Variants in METTL15 observed in about 807,000 individuals in gnomAD.
METTL15 encodes the protein 12S rRNA N(4)-cytidine methyltransferase METTL15.
In METTL15, 34 loss-of-function variants were observed where a neutral mutation model predicts 38.3. That is an observed-to-expected ratio of 0.89 (90% CI 0.68 to 1.18). The LOEUF (loss-of-function observed/expected upper bound fraction) is 1.18. Ranked by LOEUF, METTL15 falls within the 50% of genes most tolerant of loss-of-function variation. METTL15 has a pLI of 0.00. For missense variants in METTL15, 438 were observed against 498.4 expected (o/e 0.88, Z 1.15); for synonymous variants, 162 against 170.9 (o/e 0.95, Z 0.41).
intron 4 of METTL15, among the ~76,000 whole-genome samples, chr11:28,286,832 T>C (rs1565225027): frequency 6.6e-6 from 1 of 151,800 alleles, no homozygotes; most frequent in African/African-American, 2.4e-5. Context: ...CCTGAGATAT[T>C]ATGTCTGTCA....
rs568518563 is a variant in METTL15 at position 28,469,707 on chromosome 11, C to A, written c.*424+45343C>A. ...TACAAGAATGTCTACACATAATAAA[C>A]ACTATGTTTGCTATAATTCCTATTA... is the stretch of plus-strand genomic sequence containing the variant. On this transcript the variant is annotated intron_variant and NMD_transcript_variant, in intron 6 of 7. Coordinates refer to the METTL15 transcript ENST00000532947. 3.9e-5 allele frequency among the ~76,000 whole-genome samples: 6 copies of A among 152,080 alleles called. No homozygotes were observed. The South Asian group carries it at 6.2e-4, about 16-fold the overall frequency.
At chr11:28,460,240 A>G (rs1590382297) in intron 6 of METTL15, among the ~76,000 whole-genome samples, 2 of 152,174 alleles carry the variant, frequency 1.3e-5, no homozygotes, top group African/African-American at 4.8e-5. Flanking sequence ...ATAAATTGGC[A>G]CCGTCTTACT....
chr11:28,343,968 C>T (rs1367687646), intron 3 of METTL15, among the ~76,000 whole-genome samples: 3 of 152,230 alleles, frequency 2.0e-5, no homozygotes, highest in East Asian at 3.9e-4. Flanking sequence ...AAGTTTTCTT[C>T]CAAAAAGAAC....
intron 3 of METTL15, among the ~76,000 whole-genome samples, chr11:28,348,617 C>A (rs909292632): frequency 6.6e-6 from 1 of 152,138 alleles, no homozygotes; most frequent in East Asian, 1.9e-4. Flanking sequence ...TACACTCCCT[C>A]AGCCTCCCAA....
chr11:28,312,233 T>A (rs907616897), intron 6 of METTL15, among the ~76,000 whole-genome samples: 1 of 152,194 alleles, frequency 6.6e-6, no homozygotes, highest in Non-Finnish European at 1.5e-5. Flanking sequence ...TAATTTAAGT[T>A]ATGATTGTTG....
At chr11:28,208,752 C>T (rs185136935) in intron 3 of METTL15, among the ~76,000 whole-genome samples, 18 of 151,740 alleles carry the variant, frequency 1.2e-4, no homozygotes, top group Admixed American at 9.9e-4. Flanking sequence ...TTTTTATTTG[C>T]AACTCCTACA....
rs1288637289 is a variant in METTL15, at chr11:28,330,389, GT to G, written c.779-3del. ...TTCTTTTCCTATCTTTACAACATTT[GT>G]TTTAGGAGCATTTCCTCCCTCTGCT... On this transcript the variant is annotated splice_region_variant and splice_polypyrimidine_tract_variant and intron_variant, in intron 6 of 6. Transcript: ENST00000407364. 2 of 1,532,024 alleles carry G rather than the reference GT, an allele frequency of 1.3e-6. No homozygotes were observed. Among genetic ancestry groups the G allele is most frequent in the Non-Finnish European group, 8.8e-7 (1 of 1,139,764 alleles). The allele number at this position is 1,532,024 out of a possible 1,614,324, so 94.9% of individuals were successfully genotyped here. A position where few individuals can be genotyped will look rare whatever the true frequency, so the allele number is the denominator to read the frequency against.
At chr11:28,244,881 T>C (rs760080603) in intron 4 of METTL15, among the ~76,000 whole-genome samples, 2 of 152,206 alleles carry the variant, frequency 1.3e-5, no homozygotes, top group Non-Finnish European at 2.9e-5. Flanking sequence ...AGTAGAGATA[T>C]CCTGTCTTTT....
chr11:28,391,191 T>G (rs1037283989), intron 5 of METTL15, among the ~76,000 whole-genome samples: 2 of 152,056 alleles, frequency 1.3e-5, no homozygotes, highest in African/African-American at 4.8e-5. Context: ...ACAATTTGAC[T>G]TCCTCTTTTC....
intron 5 of METTL15, among the ~76,000 whole-genome samples, chr11:28,390,148 G>A (rs1433825618): frequency 6.6e-6 from 1 of 151,902 alleles, no homozygotes; most frequent in South Asian, 2.1e-4. Flanking sequence ...AGATGAGTAG[G>A]TTGTGAAAAT....
chr11:28,353,085 G>A (rs1850056240), intron 4 of METTL15, among the ~76,000 whole-genome samples: 1 of 152,092 alleles, frequency 6.6e-6, no homozygotes, highest in South Asian at 2.1e-4. Flanking sequence ...ATTCAGCCTA[G>A]CTTAGAAAAG....
At chr11:28,478,897 G>A (rs1445612664) in intron 6 of METTL15, among the ~76,000 whole-genome samples, 1 of 145,704 alleles carries the variant, frequency 6.9e-6, no homozygotes, top group Non-Finnish European at 1.5e-5. Flanking sequence ...TTATCTCCTA[G>A]GAAGCAGAAA....
chr11:28,271,517 C>T lies in METTL15; in HGVS notation c.408-18689C>T, dbSNP rs368824132. Among the ~76,000 whole-genome samples, 12 of 151,536 alleles carry T rather than the reference C, an allele frequency of 7.9e-5. No individual in the cohort carries two copies. In the South Asian group the frequency reaches 1.9e-3, roughly 24 times the overall value. On this transcript the variant is annotated intron_variant, in intron 4 of 6. Transcript: ENST00000407364. ...CTTATAATACCTGCTAGTGGCCTAA[C>T]GATCCACACTGGTGACAAAAATGCA...
intron 6 of METTL15, among the ~76,000 whole-genome samples, chr11:28,436,563 G>GT (rs571658383): frequency 2.4e-3 from 330 of 139,620 alleles, no homozygotes; most frequent in African/African-American, 4.1e-3. Flanking sequence ...GACATTGAGT[G>GT]TTTTTTTTTT....
intron 6 of METTL15, among the ~76,000 whole-genome samples, chr11:28,513,167 C>T (rs1851690660): frequency 6.6e-6 from 1 of 152,170 alleles, no homozygotes; most frequent in African/African-American, 2.4e-5. Flanking sequence ...GTAAACATTG[C>T]ATGTCAAGAG....
chr11:28,267,698 A>G (rs1028522327), intron 4 of METTL15, among the ~76,000 whole-genome samples: 1 of 152,162 alleles, frequency 6.6e-6, no homozygotes, highest in Non-Finnish European at 1.5e-5. Context: ...ACGTATACCA[A>G]TGAAACAATA....
intron 5 of METTL15, among the ~76,000 whole-genome samples, chr11:28,391,520 C>T (rs935758509): frequency 6.6e-6 from 1 of 152,000 alleles, no homozygotes; most frequent in Admixed American, 6.6e-5. Flanking sequence ...AATCCTAAGC[C>T]AAAAGAACAA....
chr11:28,320,924 A>G (rs1849444723), intron 6 of METTL15, among the ~76,000 whole-genome samples: 1 of 152,148 alleles, frequency 6.6e-6, no homozygotes, highest in African/African-American at 2.4e-5. Flanking sequence ...AGAATGTTCC[A>G]TTAATTTATA....
chr11:28,274,127 G>T (rs915084328), intron 4 of METTL15, among the ~76,000 whole-genome samples: 4 of 152,006 alleles, frequency 2.6e-5, no homozygotes, highest in South Asian at 2.1e-4. Context: ...GTGGCTAAAA[G>T]AAATTTTCTT....
Sources: allele counts gnomAD v4.1 joint callset (sites outside exome capture counted in the v4.1 genomes callset), GRCh38; gene constraint gnomAD v4.1.1; transcripts MANE v1.5; gene names NCBI Gene and HGNC (gene_info 2026-07-23, HGNC 2026-07-21).